DOCK1: variants seen among roughly 807,000 people sequenced by gnomAD.
The protein encoded by DOCK1 is dedicator of cytokinesis 1.
DOCK1 carries 138 observed loss-of-function variants against 262.7 expected under a neutral mutation model. That is an observed-to-expected ratio of 0.53 (90% CI 0.46 to 0.61). The LOEUF is 0.61. Ranked by LOEUF, DOCK1 falls within the 20% of genes least tolerant of loss-of-function variation. The pLI is 0.00. For synonymous variants in DOCK1, 866 were observed against 867.4 expected (o/e 1.00, Z 0.03); for missense variants, 1,908 against 2,370.7 (o/e 0.80, Z 4.05).
intron 1 of DOCK1, among the ~76,000 whole-genome samples, chr10:126,921,985 G>T (rs368549317): frequency 2.0e-5 from 3 of 151,984 alleles, no homozygotes; most frequent in Non-Finnish European, 4.4e-5. Flanking sequence ...GCCTAGGCAG[G>T]CTGATCCTTT....
chr10:127,349,751 C>G (rs1231194616), intron 31 of DOCK1, among the ~76,000 whole-genome samples: 1 of 152,196 alleles, frequency 6.6e-6, no homozygotes, highest in Non-Finnish European at 1.5e-5. Context: ...TGCCTCTCTC[C>G]TGGCTTCCGG....
At chr10:127,099,501 C>T (rs1004000670) in intron 23 of DOCK1, among the ~76,000 whole-genome samples, 4 of 152,124 alleles carry the variant, frequency 2.6e-5, no homozygotes, top group African/African-American at 9.7e-5. Flanking sequence ...AAGCATAGTG[C>T]AGTCATCTGC....
chr10:127,189,975 G>T (rs1048015585), intron 27 of DOCK1, among the ~76,000 whole-genome samples: 1 of 152,188 alleles, frequency 6.6e-6, no homozygotes. Flanking sequence ...CTTCTCTCAT[G>T]CTGGCCCGAT....
At chr10:127,007,489 C>T (rs2041121861) in intron 10 of DOCK1, 1 of 152,244 alleles carries the variant, frequency 6.6e-6, no homozygotes, top group South Asian at 2.1e-4. Context: ...GCATCTTCCT[C>T]TCAAGTCCAG....
intron 28 of DOCK1, among the ~76,000 whole-genome samples, chr10:127,251,020 T>C (rs1014936264): frequency 3.3e-5 from 5 of 151,940 alleles, no homozygotes; most frequent in Admixed American, 6.6e-5. Context: ...TGGAGTACAA[T>C]GGTGCAATCT....
intron 29 of DOCK1, among the ~76,000 whole-genome samples, chr10:127,284,641 C>T (rs990641950): frequency 1.3e-5 from 2 of 152,160 alleles, no homozygotes; most frequent in Non-Finnish European, 2.9e-5. Flanking sequence ...AATCCCAACA[C>T]TTTGGAAAGC....
intron 1 of DOCK1, among the ~76,000 whole-genome samples, chr10:126,908,948 A>G (rs2031351089): frequency 6.6e-6 from 1 of 152,194 alleles, no homozygotes; most frequent in Non-Finnish European, 1.5e-5. Flanking sequence ...CATCTCAACA[A>G]TGGTGTTGAA....
At chr10:127,287,734 C>T (rs975724079) in intron 29 of DOCK1, among the ~76,000 whole-genome samples, 1 of 140,630 alleles carries the variant, frequency 7.1e-6, no homozygotes, top group African/African-American at 2.8e-5. Flanking sequence ...CCCATTGCAT[C>T]ACACCAGCAA....
At chr10:127,374,004 G>A (rs1361663797) in intron 34 of DOCK1, 54 bp from the exon 35 acceptor site, 1 of 1,559,892 alleles carries the variant, frequency 6.4e-7, no homozygotes, top group Non-Finnish European at 8.7e-7. Context: ...TTGCACCTCT[G>A]TTGAGTTTCT....
chr10:126,961,405 T>C (rs967767484), intron 1 of DOCK1, among the ~76,000 whole-genome samples: 65 of 152,270 alleles, frequency 4.3e-4, no homozygotes, highest in African/African-American at 1.5e-3. Context: ...CTGGCCAACA[T>C]AGAGAAGCGC....
At chr10:127,158,099 T>C (rs1192800403) in intron 27 of DOCK1, among the ~76,000 whole-genome samples, 1 of 152,212 alleles carries the variant, frequency 6.6e-6, no homozygotes, top group East Asian at 1.9e-4. Flanking sequence ...CATTAATAAT[T>C]GGGCTGCAGC....
intron 29 of DOCK1, among the ~76,000 whole-genome samples, chr10:127,298,607 G>C (rs1345017064): frequency 6.6e-6 from 1 of 152,192 alleles, no homozygotes; most frequent in African/African-American, 2.4e-5. Context: ...TGAGGTTGCT[G>C]TCTGCTCCTG....
At chr10:127,267,490 A>G (rs1284892576) in intron 29 of DOCK1, among the ~76,000 whole-genome samples, 1 of 152,234 alleles carries the variant, frequency 6.6e-6, no homozygotes, top group East Asian at 1.9e-4. Context: ...TAATTCAGAG[A>G]TGAAAAATCA....
chr10:126,932,222 A>G (rs1336542328), intron 1 of DOCK1, among the ~76,000 whole-genome samples: 1 of 152,176 alleles, frequency 6.6e-6, no homozygotes, highest in Non-Finnish European at 1.5e-5. Context: ...TCAGCTGATG[A>G]CTGCAAAATA....
chr10:127,169,028 C>A (rs1300497999), intron 27 of DOCK1, among the ~76,000 whole-genome samples: 2 of 152,184 alleles, frequency 1.3e-5, no homozygotes, highest in Non-Finnish European at 2.9e-5. Flanking sequence ...GCAAGTATAT[C>A]ATTTCTACCC....
intron 27 of DOCK1, among the ~76,000 whole-genome samples, chr10:127,168,309 T>C (rs1350309340): frequency 6.6e-6 from 1 of 152,258 alleles, no homozygotes; most frequent in Non-Finnish European, 1.5e-5. Context: ...GAAACTGATT[T>C]ATCAAGAATA....
intron 35 of DOCK1, among the ~76,000 whole-genome samples, chr10:127,374,822 C>T (rs781754785): frequency 3.9e-5 from 6 of 152,188 alleles, no homozygotes; most frequent in Non-Finnish European, 8.8e-5. Flanking sequence ...CAAGGAATGC[C>T]TGGAGCCACC....
chr10:127,415,286 TAC>T, intron 44 of DOCK1, 48 bp downstream of exon 44: 2 of 1,571,674 alleles, frequency 1.3e-6, no homozygotes, highest in Non-Finnish European at 1.7e-6. Flanking sequence ...CCTTCCTCAA[TAC>T]AGTCTGCCAC....
chr10:127,046,443 ATCCAC>A (rs1342252333), intron 21 of DOCK1, among the ~76,000 whole-genome samples: 2 of 152,116 alleles, frequency 1.3e-5, no homozygotes, highest in East Asian at 3.9e-4. Flanking sequence ...ATGGCTTCAC[ATCCAC>A]TCAGTCTCCC....
Sources: allele counts gnomAD v4.1 joint callset (sites outside exome capture counted in the v4.1 genomes callset), GRCh38; gene constraint gnomAD v4.1.1; transcripts MANE v1.5; gene names NCBI Gene and HGNC (gene_info 2026-07-23, HGNC 2026-07-21).